MTHFD1L: variants seen among roughly 807,000 people sequenced by gnomAD.
The protein encoded by MTHFD1L is monofunctional C1-tetrahydrofolate synthase, mitochondrial.
MTHFD1L carries 81 observed loss-of-function variants against 119.5 expected under a neutral mutation model. The ratio of observed to expected loss-of-function variants is 0.68; its 90% CI spans 0.57 to 0.82. The LOEUF is 0.82. MTHFD1L is among the 40% of genes least tolerant of loss of function. MTHFD1L has a pLI of 0.00. For missense variants in MTHFD1L, 1,125 were observed against 1,253.4 expected, an observed-to-expected ratio of 0.90 and a Z score of 1.55; for synonymous variants, 430 against 475.2, an observed-to-expected ratio of 0.90 and a Z score of 1.24.
chr6:150,918,257 G>A (rs1250222531), intron 8 of MTHFD1L, among the ~76,000 whole-genome samples: 2 of 152,036 alleles, frequency 1.3e-5, no homozygotes, highest in African/African-American at 2.4e-5. Context: ...GTAGAGATGG[G>A]GTTTTGCCAT....
chr6:150,880,024 C>T (rs779367305), intron 4 of MTHFD1L, among the ~76,000 whole-genome samples: 2 of 152,090 alleles, frequency 1.3e-5, no homozygotes, highest in Non-Finnish European at 1.5e-5. Context: ...TGTGGTGTTT[C>T]GGTACTTGCA....
At chr6:151,006,384 G>A (rs76566832) in intron 20 of MTHFD1L, among the ~76,000 whole-genome samples, 4,234 of 152,174 alleles carry the variant, frequency 0.028, 217 homozygotes, top group African/African-American at 0.095. Context: ...GGGCTGTGCC[G>A]GAAGCTTGAT....
At chr6:150,970,102 A>G (rs1797816139) in intron 19 of MTHFD1L, among the ~76,000 whole-genome samples, 1 of 152,200 alleles carries the variant, frequency 6.6e-6, no homozygotes, top group Admixed American at 6.5e-5. Flanking sequence ...CCTGGTTGTT[A>G]GTCTGGTAGG....
chr6:150,869,421 TG>T (rs1779023855), intron 1 of MTHFD1L, among the ~76,000 whole-genome samples: 1 of 152,096 alleles, frequency 6.6e-6, no homozygotes, highest in Non-Finnish European at 1.5e-5. Context: ...AGTGAGAACA[TG>T]GGGTGTTTGG....
intron 22 of MTHFD1L, among the ~76,000 whole-genome samples, 194 bp from the exon 23 acceptor site, chr6:151,014,686 T>C (rs1782755316): frequency 6.6e-6 from 1 of 152,246 alleles, no homozygotes; most frequent in Admixed American, 6.5e-5. Context: ...CCCACCCATA[T>C]GCCATTGGAT....
chr6:151,048,544 C>T (rs1196749381), intron 26 of MTHFD1L, among the ~76,000 whole-genome samples: 1 of 152,120 alleles, frequency 6.6e-6, no homozygotes, highest in Non-Finnish European at 1.5e-5. Flanking sequence ...GAGTCTGCTG[C>T]CAGTGAAACT....
At chr6:150,979,784 A>G (rs1019741521) in intron 20 of MTHFD1L, among the ~76,000 whole-genome samples, 1 of 152,070 alleles carries the variant, frequency 6.6e-6, no homozygotes. Context: ...ATAGCTGTGC[A>G]CCACTGCACC....
intron 16 of MTHFD1L, among the ~76,000 whole-genome samples, chr6:150,950,069 C>T (rs983471674): frequency 2.0e-5 from 3 of 152,278 alleles, no homozygotes; most frequent in Non-Finnish European, 2.9e-5. Flanking sequence ...TAGCAGTTCC[C>T]GACTAATAGA....
At chr6:150,945,696 A>G (rs1793814732) in intron 15 of MTHFD1L, among the ~76,000 whole-genome samples, 155 bp downstream of exon 15, 2 of 152,218 alleles carry the variant, frequency 1.3e-5, no homozygotes, top group Non-Finnish European at 2.9e-5. Flanking sequence ...TGGAGCAGAG[A>G]GAGCACAGTG....
At position 150,989,737 on chromosome 6, in the gene MTHFD1L, A is replaced by G. The variant is rs1242840480; in HGVS notation, c.2125+17679A>G. On this transcript the variant is annotated intron_variant, in intron 20 of 27. Coordinates refer to ENST00000367321, the MANE Select transcript of MTHFD1L (RefSeq NM_015440.5). ...TAAAACTATAAAACTTTATTGAAAGACAAACAACAAGACCTGAATAAATGG... is the reference window on the plus strand; with the variant it reads ...TAAAACTATAAAACTTTATTGAAAGGCAAACAACAAGACCTGAATAAATGG... Among the ~76,000 whole-genome samples the G allele has an allele frequency of 2.0e-5, 3 of 152,350 alleles. No individual in the cohort carries two copies. The East Asian group carries it at 5.8e-4, about 29-fold the overall frequency.
intron 7 of MTHFD1L, among the ~76,000 whole-genome samples, chr6:150,898,248 C>T (rs535870965): frequency 2.2e-4 from 34 of 152,236 alleles, no homozygotes; most frequent in Middle Eastern, 3.4e-3. Context: ...ATATATGCCT[C>T]GCACTCACCC....
intron 7 of MTHFD1L, among the ~76,000 whole-genome samples, chr6:150,895,791 C>A (rs550182202): frequency 6.6e-6 from 1 of 152,032 alleles, no homozygotes; most frequent in African/African-American, 2.4e-5. Flanking sequence ...CTGTCCCAAA[C>A]GGGAGAAGGA....
intron 20 of MTHFD1L, among the ~76,000 whole-genome samples, chr6:150,997,469 A>G (rs532260267): frequency 1.3e-5 from 2 of 152,294 alleles, no homozygotes; most frequent in South Asian, 4.1e-4. Flanking sequence ...TCTTTGGGCT[A>G]TGATTGTGCT....
At chr6:150,966,304 A>G (rs1263983636) in intron 19 of MTHFD1L, among the ~76,000 whole-genome samples, 1 of 152,156 alleles carries the variant, frequency 6.6e-6, no homozygotes, top group Non-Finnish European at 1.5e-5. Context: ...AAGTCTTCAC[A>G]TGGCAGAACA....
chr6:151,016,461 A>G (rs1239569603), intron 24 of MTHFD1L, among the ~76,000 whole-genome samples: 1 of 151,772 alleles, frequency 6.6e-6, no homozygotes, highest in African/African-American at 2.4e-5. Flanking sequence ...AGCTGGGATT[A>G]CAGGCACCTG....
intron 11 of MTHFD1L, among the ~76,000 whole-genome samples, chr6:150,933,487 C>T (rs770145207): frequency 8.6e-5 from 13 of 151,992 alleles, no homozygotes; most frequent in African/African-American, 1.2e-4. Flanking sequence ...TCAGTCTTCA[C>T]GTTGACCCCA....
chr6:150,899,029 G>A (rs1784717556), intron 7 of MTHFD1L: 1 of 998,340 alleles, frequency 1.0e-6, no homozygotes, highest in Non-Finnish European at 1.2e-6. Context: ...TTTATCATCT[G>A]TCATGACTTT....
At chr6:150,963,406 A>G (rs1738578) in intron 18 of MTHFD1L, among the ~76,000 whole-genome samples, 65,963 of 152,074 alleles carry the variant, frequency 0.43, 15,697 homozygotes, top group South Asian at 0.55. Flanking sequence ...CTGTGAGGTA[A>G]TGCATATGTT....
At chr6:150,939,505 G>C (rs530164673) in intron 13 of MTHFD1L, among the ~76,000 whole-genome samples, 1 of 151,848 alleles carries the variant, frequency 6.6e-6, no homozygotes, top group Non-Finnish European at 1.5e-5. Flanking sequence ...ATCATTCAGG[G>C]CCTGGACAAT....
Sources: allele counts gnomAD v4.1 joint callset (sites outside exome capture counted in the v4.1 genomes callset), GRCh38; gene constraint gnomAD v4.1.1; transcripts MANE v1.5; gene names NCBI Gene and HGNC (gene_info 2026-07-23, HGNC 2026-07-21).